Variants in MFHAS1 observed in about 807,000 individuals in gnomAD.
MFHAS1 encodes the protein multifunctional ROCO family signaling regulator 1, also known as malignant fibrous histiocytoma-amplified sequence 1.
MFHAS1 carries 50 observed loss-of-function variants against 70.4 expected under a neutral mutation model. That is an observed-to-expected ratio of 0.71 (90% CI 0.57 to 0.90). The LOEUF (loss-of-function observed/expected upper bound fraction) is 0.90, where lower values mean the gene tolerates loss of function less well. Among genes scored for constraint, MFHAS1 ranks in the 40% least tolerant of loss-of-function variants. The pLI is 0.00. For synonymous variants in MFHAS1, 952 were observed against 620.0 expected, an observed-to-expected ratio of 1.54 and a Z score of -7.96; for missense variants, 1,795 against 1,347.6, an observed-to-expected ratio of 1.33 and a Z score of -5.20.
rs562548714 is a variant in MFHAS1 at position 8,803,454 on chromosome 8, T to C, written c.2999-5963A>G. On this transcript the variant is annotated intron_variant, in intron 1 of 2. Coordinates refer to ENST00000276282, the MANE Select transcript of MFHAS1 (RefSeq NM_004225.3). ...ATCGCTTGAACCCGAGAGGCAGAGG[T>C]TGCAGTGAGCCGAAATCGCACCACT... is the stretch of plus-strand genomic sequence containing the variant. 6.0e-5 allele frequency among the ~76,000 whole-genome samples: 9 copies of C among 149,990 alleles called. No homozygotes were observed. In the East Asian group the frequency reaches 1.8e-3, roughly 30 times the overall value.
In MFHAS1 at chr8:8,797,386, G is replaced by A; in HGVS notation, c.3104C>T (p.Thr1035Ile). ...NVALVYPPTP[T>I]VISPCSKKNV... ...TCACTTGGAACAGGGGCTGATCACA[G>A]TCGGCGTGGGTGGGTAAACCAAGGC... The change falls in exon 2 of 3, where the codon ACT (threonine) becomes ATT (isoleucine). Residue 1035 changes from threonine to isoleucine, a missense_variant. By Grantham distance (89) the Thr-to-Ile change is moderately conservative (BLOSUM62 -1). Coordinates refer to ENST00000276282, the MANE Select transcript of MFHAS1 (RefSeq NM_004225.3). The A allele has an allele frequency of 1.2e-6, 2 of 1,614,120 alleles. No individual in the cohort carries two copies. The highest frequency in any genetic ancestry group is 1.1e-5 in the South Asian group (1 of 91,076).
chr8:8,827,186 C>A (rs1041143491), intron 1 of MFHAS1, among the ~76,000 whole-genome samples: 2 of 152,194 alleles, frequency 1.3e-5, no homozygotes, highest in African/African-American at 4.8e-5. Context: ...TTTTGCTGGA[C>A]ACCTACAGAT....
chr8:8,853,269 A>T (rs1808312645), intron 1 of MFHAS1, among the ~76,000 whole-genome samples: 1 of 151,636 alleles, frequency 6.6e-6, no homozygotes. Context: ...CTCGGAAGCT[A>T]CTCCCTCTAG....
intron 1 of MFHAS1, among the ~76,000 whole-genome samples, chr8:8,807,792 G>T (rs866321699): frequency 1.3e-5 from 2 of 152,160 alleles, no homozygotes; most frequent in African/African-American, 4.8e-5. Flanking sequence ...TTGCAAAGGA[G>T]AGCTAAGGCC....
chr8:8,809,301 C>T (rs1167436301), intron 1 of MFHAS1, among the ~76,000 whole-genome samples: 1 of 152,126 alleles, frequency 6.6e-6, no homozygotes, highest in Non-Finnish European at 1.5e-5. Flanking sequence ...ACCATCCCAC[C>T]AACCCCAGTC....
At chr8:8,857,558 A>C (rs1585055212) in intron 1 of MFHAS1, among the ~76,000 whole-genome samples, 2 of 152,076 alleles carry the variant, frequency 1.3e-5, no homozygotes, top group African/African-American at 4.8e-5. Context: ...GGAGCTCGAG[A>C]CCAGCCTGGC....
At chr8:8,880,494 C>A (rs570156149) in intron 1 of MFHAS1, among the ~76,000 whole-genome samples, 54 of 152,296 alleles carry the variant, frequency 3.5e-4, no homozygotes, top group Middle Eastern at 3.4e-3. Context: ...AGCCACATCA[C>A]CCAAAAGGCA....
chr8:8,843,261 G>C (rs184874446), intron 1 of MFHAS1, among the ~76,000 whole-genome samples: 1 of 136,848 alleles, frequency 7.3e-6, no homozygotes, highest in Admixed American at 7.2e-5. Context: ...GGGCGACAGA[G>C]CGAGACTCCG....
At chr8:8,820,534 G>A (rs558910320) in intron 1 of MFHAS1, among the ~76,000 whole-genome samples, 122 of 151,870 alleles carry the variant, frequency 8.0e-4, no homozygotes, top group Non-Finnish European at 1.4e-3. Flanking sequence ...CCCTCCACCC[G>A]TGCTCACCCA....
At chr8:8,845,277 TA>T in intron 1 of MFHAS1, among the ~76,000 whole-genome samples, 1 of 152,224 alleles carries the variant, frequency 6.6e-6, no homozygotes, top group Non-Finnish European at 1.5e-5. Context: ...TATAGACACT[TA>T]AAAACTTTTT....
rs1297934852 is a variant in MFHAS1, at chr8:8,892,694, C to T, written c.365G>A (p.Arg122Gln). 9 of 1,424,182 alleles carry T rather than the reference C, an allele frequency of 6.3e-6. No homozygotes were observed. Among genetic ancestry groups the T allele is most frequent in the South Asian group, 2.4e-5 (2 of 84,882 alleles). The allele number at this position is 1,424,182 out of a possible 1,614,324, so 88.2% of individuals were successfully genotyped here. Residue 122 changes from arginine (R) to glutamine (Q), a missense_variant, in exon 1 of 3, where the codon CGG becomes CAG. Transcript: ENST00000276282. This position sits in a 1 kb window ranked among gnomAD's most constrained non-coding sequence, Gnocchi z 4.7. ...HLTELDVSHN[R>Q]LTALGAEVVS... ...CACCTCCGCGCCCAGGGCGGTCAGC[C>T]GGTTGTGGCTCACGTCCAGCTCGGT...
At chr8:8,832,987 G>T (rs534726107) in intron 1 of MFHAS1, among the ~76,000 whole-genome samples, 3 of 152,092 alleles carry the variant, frequency 2.0e-5, no homozygotes, top group African/African-American at 7.2e-5. Flanking sequence ...CAAAAAGCAC[G>T]GAAGCATCTG....
At chr8:8,843,056 G>C (rs1334863715) in intron 1 of MFHAS1, among the ~76,000 whole-genome samples, 1 of 151,208 alleles carries the variant, frequency 6.6e-6, no homozygotes, top group Non-Finnish European at 1.5e-5. Flanking sequence ...ATGAGGTCAG[G>C]AGATCGAGAC....
At chr8:8,851,275 C>G in intron 1 of MFHAS1, among the ~76,000 whole-genome samples, 1 of 152,102 alleles carries the variant, frequency 6.6e-6, no homozygotes. Context: ...TGGTTGATCC[C>G]AAATATTAAT....
At chr8:8,846,822 G>A (rs1023310241) in intron 1 of MFHAS1, among the ~76,000 whole-genome samples, 5 of 151,784 alleles carry the variant, frequency 3.3e-5, no homozygotes, top group African/African-American at 7.3e-5. Context: ...AAATAGCAGC[G>A]ACCCACCCCG....
At chr8:8,810,239 A>G (rs1460092080) in intron 1 of MFHAS1, among the ~76,000 whole-genome samples, 3 of 152,176 alleles carry the variant, frequency 2.0e-5, no homozygotes, top group African/African-American at 7.2e-5. Flanking sequence ...GGTGGTGGGC[A>G]CCTGTAATCT....
At chr8:8,867,658 T>C (rs184231523) in intron 1 of MFHAS1, among the ~76,000 whole-genome samples, 2,748 of 151,822 alleles carry the variant, frequency 0.018, 70 homozygotes, top group Admixed American at 0.055. Context: ...CCCGGGTTCA[T>C]GCCATTCTCC....
rs76917233 is a variant in MFHAS1 at position 8,799,801 on chromosome 8, C to A, written c.2999-2310G>T. Among the ~76,000 whole-genome samples, 524 of 152,334 alleles carry A rather than the reference C, an allele frequency of 3.4e-3. 3 individuals are homozygous for A. The highest frequency in any genetic ancestry group is 0.012 in the African/African-American group (507 of 41,592). On this transcript the variant is annotated intron_variant, in intron 1 of 2. Coordinates refer to ENST00000276282, the MANE Select transcript of MFHAS1 (RefSeq NM_004225.3). ...AACACCGTATTTCTAAATGTCTCAT[C>A]CCCCGCAAAGGCCACACTGATAGCG... is the stretch of plus-strand genomic sequence containing the variant.
At chr8:8,832,041 C>G (rs562216889) in intron 1 of MFHAS1, among the ~76,000 whole-genome samples, 1 of 108,066 alleles carries the variant, frequency 9.3e-6, no homozygotes, top group Non-Finnish European at 2.0e-5. Context: ...CTTCAAGGCG[C>G]ACATGCACGC....
Sources: allele counts gnomAD v4.1 joint callset (sites outside exome capture counted in the v4.1 genomes callset), GRCh38; gene constraint gnomAD v4.1.1; non-coding constraint Gnocchi (gnomAD v3.1); transcripts MANE v1.5; gene names NCBI Gene and HGNC (gene_info 2026-07-23, HGNC 2026-07-21).